Variants in TANC2 observed in about 807,000 individuals in gnomAD.
The protein encoded by TANC2 is protein TANC2.
In TANC2, 26 loss-of-function variants were observed where a neutral mutation model predicts 210.5. That is an observed-to-expected ratio of 0.12 (90% CI 0.09 to 0.17). The LOEUF (loss-of-function observed/expected upper bound fraction) is 0.17. Ranked by LOEUF, TANC2 falls within the 10% of genes least tolerant of loss-of-function variation. The pLI is 1.00. For missense variants in TANC2, 2,129 were observed against 2,608.9 expected (o/e 0.82, Z 4.01); for synonymous variants, 931 against 967.1 (o/e 0.96, Z 0.69).
At chr17:63,334,174 C>T (rs2045949652) in intron 11 of TANC2, 1 of 152,128 alleles carries the variant, frequency 6.6e-6, no homozygotes, top group African/African-American at 2.4e-5. Flanking sequence ...CAACTGGTGT[C>T]CACATCTTTT....
intron 1 of TANC2, among the ~76,000 whole-genome samples, chr17:62,970,813 G>A (rs923223112): frequency 5.3e-5 from 8 of 152,196 alleles, no homozygotes; most frequent in African/African-American, 1.4e-4. Flanking sequence ...TATTTTTGCT[G>A]ACAGTACAAT....
intron 4 of TANC2, among the ~76,000 whole-genome samples, chr17:63,134,881 A>G (rs1386013946): frequency 2.6e-5 from 4 of 152,174 alleles, no homozygotes; most frequent in Non-Finnish European, 5.9e-5. Context: ...AAGATGCTGG[A>G]AAAGATTTTT....
intron 14 of TANC2, among the ~76,000 whole-genome samples, chr17:63,359,983 G>A (rs993838590): frequency 1.3e-5 from 2 of 152,138 alleles, no homozygotes; most frequent in African/African-American, 4.8e-5. Flanking sequence ...TGAATTACAC[G>A]TTGGAGACCT....
chr17:62,974,343 A>G (rs145624624), intron 1 of TANC2, among the ~76,000 whole-genome samples: 17 of 152,272 alleles, frequency 1.1e-4, no homozygotes, highest in African/African-American at 3.4e-4. Context: ...AACAGCATGT[A>G]GTAGAATGTT....
chr17:63,388,959 C>T (rs1223333615), intron 16 of TANC2, among the ~76,000 whole-genome samples: 1 of 152,142 alleles, frequency 6.6e-6, no homozygotes, highest in Non-Finnish European at 1.5e-5. Context: ...CTTCTATAAG[C>T]TGACTCTGAC....
At chr17:63,180,981 A>C (rs553051779) in intron 5 of TANC2, among the ~76,000 whole-genome samples, 21 of 132,456 alleles carry the variant, frequency 1.6e-4, no homozygotes, top group African/African-American at 5.9e-4. Context: ...TCAAGATTGC[A>C]CCACTGCACT....
rs543027428 is a variant in TANC2, at chr17:63,237,768, G to A, written c.770-46G>A. On this transcript the variant is annotated intron_variant, in intron 7 of 27. Transcript: ENST00000689528. ...TCAACTTTGTCAAAGATTAATAACT[G>A]TATGTATGTGGCTTTATTAAATTCA... 37 of 1,481,878 alleles carry A rather than the reference G, an allele frequency of 2.5e-5. 1 individual carries two copies. The African/African-American group carries it at 5.0e-4, about 20-fold the overall frequency. The allele number at this position is 1,481,878 out of a possible 1,614,324, so 91.8% of individuals were successfully genotyped here. A position where few individuals can be genotyped will look rare whatever the true frequency, so the allele number is the denominator to read the frequency against.
intron 11 of TANC2, among the ~76,000 whole-genome samples, chr17:63,330,387 CT>C (rs948132575): frequency 1.2e-4 from 18 of 151,870 alleles, no homozygotes; most frequent in African/African-American, 3.9e-4. Flanking sequence ...ATAGATTTTC[CT>C]TTTTTTTCAT....
intron 7 of TANC2, among the ~76,000 whole-genome samples, chr17:63,208,125 A>G (rs2041779569): frequency 6.6e-6 from 1 of 152,070 alleles, no homozygotes; most frequent in Non-Finnish European, 1.5e-5. Flanking sequence ...AGGAAGCCTT[A>G]ATTTTAATGT....
intron 14 of TANC2, among the ~76,000 whole-genome samples, 173 bp downstream of exon 14, chr17:63,355,563 A>C (rs1467686969): frequency 6.6e-6 from 1 of 152,202 alleles, no homozygotes; most frequent in Non-Finnish European, 1.5e-5. Context: ...ATTGTTTTAC[A>C]ATGTTATTTC....
At chr17:63,206,934 A>G (rs561726853) in intron 7 of TANC2, among the ~76,000 whole-genome samples, 8 of 152,308 alleles carry the variant, frequency 5.3e-5, no homozygotes, top group African/African-American at 1.9e-4. Context: ...TAATATGTAT[A>G]TGGTATAGAC....
intron 4 of TANC2, chr17:63,148,582 C>G (rs1305037628): frequency 1.3e-5 from 2 of 152,138 alleles, no homozygotes; most frequent in Middle Eastern, 3.2e-3. Context: ...ATCGATGTTC[C>G]CAGTGTCAGT....
chr17:63,121,441 C>G (rs891533329), intron 4 of TANC2, among the ~76,000 whole-genome samples: 3 of 151,998 alleles, frequency 2.0e-5, no homozygotes, highest in Non-Finnish European at 4.4e-5. Context: ...CCCCCCATTC[C>G]TCTCCATTGG....
At chr17:63,129,092 T>G (rs961485373) in intron 4 of TANC2, among the ~76,000 whole-genome samples, 1 of 152,092 alleles carries the variant, frequency 6.6e-6, no homozygotes, top group African/African-American at 2.4e-5. Context: ...AGCCACAATC[T>G]CCAGGGATCC....
intron 5 of TANC2, among the ~76,000 whole-genome samples, chr17:63,188,484 T>A (rs2041071052): frequency 6.8e-6 from 1 of 147,780 alleles, no homozygotes; most frequent in Non-Finnish European, 1.5e-5. Context: ...TCCCAGCTAC[T>A]GGGGAGGCTG....
Position 63,412,680 on chromosome 17 carries a change from G to A in TANC2, c.3899G>A (p.Gly1300Asp). ...TTTTTGTTTTCTCCTTTCTTTGAAG[G>A]TTGTCAGACGTTACCGAGTCGCCCA... Residue 1300 changes from glycine (G) to aspartate (D), a missense_variant and splice_region_variant, in exon 24 of 28, where the codon GGT (glycine) becomes GAT (aspartate). Physicochemically the swap from Gly to Asp is moderately conservative, Grantham distance 94. This residue lies in a region of TANC2 where 644 missense variants were observed against 937.5 expected (regional missense o/e 0.69). Transcript: ENST00000689528. This position sits in a 1 kb window ranked among gnomAD's most constrained non-coding sequence, Gnocchi z 4.2. The A allele has an allele frequency of 6.5e-7, 1 of 1,533,738 alleles. No individual in the cohort carries two copies. The highest frequency in any genetic ancestry group is 8.7e-7 in the Non-Finnish European group (1 of 1,146,560).
At chr17:63,130,690 A>T (rs1285436373) in intron 4 of TANC2, among the ~76,000 whole-genome samples, 1 of 152,194 alleles carries the variant, frequency 6.6e-6, no homozygotes, top group Admixed American at 6.5e-5. Context: ...TGTATAATAA[A>T]GAGTTTTATT....
At chr17:63,349,386 G>A (rs1178685671) in intron 12 of TANC2, among the ~76,000 whole-genome samples, 1 of 152,124 alleles carries the variant, frequency 6.6e-6, no homozygotes, top group African/African-American at 2.4e-5. Context: ...AATCCCAACA[G>A]ATGCATTATC....
intron 1 of TANC2, among the ~76,000 whole-genome samples, chr17:62,995,193 C>G (rs2143632926): frequency 6.6e-6 from 1 of 152,046 alleles, no homozygotes; most frequent in East Asian, 1.9e-4. Context: ...TTTATAAATC[C>G]TGTTATCTTG....
Sources: allele counts gnomAD v4.1 joint callset (sites outside exome capture counted in the v4.1 genomes callset), GRCh38; gene constraint gnomAD v4.1.1; regional missense constraint gnomAD v4.1.1; non-coding constraint Gnocchi (gnomAD v3.1); transcripts MANE v1.5; gene names NCBI Gene and HGNC (gene_info 2026-07-23, HGNC 2026-07-21).